RAPGEF6: variants seen among roughly 807,000 people sequenced by gnomAD.
RAPGEF6 encodes the protein Rap guanine nucleotide exchange factor 6.
Under a neutral mutation model 171.4 loss-of-function variants are expected in RAPGEF6, and 56 were observed. The ratio of observed to expected loss-of-function variants is 0.33; its 90% confidence interval spans 0.26 to 0.41. The LOEUF (loss-of-function observed/expected upper bound fraction) is 0.41, where lower values mean the gene tolerates loss of function less well. Among genes scored for constraint, RAPGEF6 ranks in the 10% least tolerant of loss-of-function variants. The pLI is 1.00. For synonymous variants in RAPGEF6, 692 were observed against 650.1 expected (o/e 1.06, Z -0.98); for missense variants, 1,674 against 1,921.4 (o/e 0.87, Z 2.41).
At chr5:131,452,989 A>T in intron 21 of RAPGEF6, 65 bp downstream of exon 21, 1 of 1,526,136 alleles carries the variant, frequency 6.6e-7, no homozygotes, top group Non-Finnish European at 8.8e-7. Context: ...ATAAATGATA[A>T]ATATTTTAAT....
chr5:131,505,329 C>T (rs1292706686), intron 10 of RAPGEF6, 35 bp downstream of exon 10: 8 of 1,606,702 alleles, frequency 5.0e-6, no homozygotes, highest in East Asian at 2.2e-5. Context: ...TTTAAACCAA[C>T]AGACAAGAAG....
chr5:131,602,771 C>T (rs1211253916), intron 3 of RAPGEF6, among the ~76,000 whole-genome samples: 1 of 151,996 alleles, frequency 6.6e-6, no homozygotes, highest in African/African-American at 2.4e-5. Context: ...CAAAAACAAA[C>T]AAACAAACAA....
chr5:131,439,069 C>T (rs1040054789), intron 24 of RAPGEF6, among the ~76,000 whole-genome samples: 8 of 152,078 alleles, frequency 5.3e-5, no homozygotes, highest in African/African-American at 1.9e-4. Context: ...ACTACAGGCA[C>T]ACCACCATGC....
chr5:131,480,405 T>C lies in RAPGEF6; in HGVS notation c.1841-652A>G, dbSNP rs1045433127. Among the ~76,000 whole-genome samples, 14 of 152,226 alleles carry C rather than the reference T, an allele frequency of 9.2e-5. 1 individual carries two copies. The highest frequency in any genetic ancestry group is 1.3e-4 in the Non-Finnish European group (9 of 68,040). On this transcript the variant is annotated intron_variant, in intron 15 of 27. Coordinates refer to ENST00000509018, the MANE Select transcript of RAPGEF6 (RefSeq NM_016340.6). ...CCTCACTACTGTAGTCAGGTTCAGATTGTAAAATTTAGATGAGAAAAGCTT... is the reference window on the plus strand; with the variant it reads ...CCTCACTACTGTAGTCAGGTTCAGACTGTAAAATTTAGATGAGAAAAGCTT...
chr5:131,528,313 T>TATTATATATA (rs1251388931), intron 6 of RAPGEF6, among the ~76,000 whole-genome samples: 741 of 48,730 alleles, frequency 0.015, 38 homozygotes, highest in African/African-American at 0.034. Flanking sequence ...TATATTTATA[T>TATTATATATA]TATATATATA....
intron 15 of RAPGEF6, among the ~76,000 whole-genome samples, chr5:131,487,268 A>G (rs1045470212): frequency 1.3e-5 from 2 of 152,206 alleles, no homozygotes; most frequent in African/African-American, 4.8e-5. Flanking sequence ...CCAAAGAGTG[A>G]GCAGCAGCAA....
chr5:131,469,650 C>CA (rs1450112665), intron 17 of RAPGEF6: 3 of 507,082 alleles, frequency 5.9e-6, no homozygotes, highest in Non-Finnish European at 1.0e-5. Context: ...ACTAAAAAGA[C>CA]ACATGCCAGT....
intron 11 of RAPGEF6, among the ~76,000 whole-genome samples, chr5:131,499,153 T>C (rs750418533): frequency 2.6e-5 from 4 of 152,216 alleles, no homozygotes; most frequent in Non-Finnish European, 4.4e-5. Context: ...AGAATAAATA[T>C]TTCCTTTTCT....
At chr5:131,586,302 C>G (rs1763250633) in intron 4 of RAPGEF6, among the ~76,000 whole-genome samples, 1 of 152,084 alleles carries the variant, frequency 6.6e-6, no homozygotes, top group Non-Finnish European at 1.5e-5. Flanking sequence ...ATCTCAAAAA[C>G]AAAAAGACAA....
At chr5:131,446,805 T>C in intron 21 of RAPGEF6, 102 bp from the exon 22 acceptor site, 1 of 1,045,304 alleles carries the variant, frequency 9.6e-7, no homozygotes, top group Non-Finnish European at 1.4e-6. Flanking sequence ...TATTGCATGC[T>C]GATGTAAATG....
In RAPGEF6 at chr5:131,450,484, A is replaced by G. The variant is rs559105748; in HGVS notation, c.3200+2570T>C. 3.2e-3 allele frequency among the ~76,000 whole-genome samples: 489 copies of G among 152,318 alleles called. 4 individuals are homozygous for G. The highest frequency in any genetic ancestry group is 5.2e-3 in the Non-Finnish European group (354 of 68,030). On this transcript the variant is annotated intron_variant, in intron 21 of 27. Coordinates refer to ENST00000509018, the MANE Select transcript of RAPGEF6 (RefSeq NM_016340.6). The stretch of plus-strand genomic sequence containing the variant: ...ACAGAATGAAATTACAAGGGACATA[A>G]AAACATAAAATTTCATTTTTAAGTG...
rs774170311 is a variant in RAPGEF6, at chr5:131,439,569, G to A, written c.3745+12C>T. Reference sequence around the variant, plus strand: ...AGTTTAACAAGAACTAGTTTGAAATGTTTTGTCTTACCTTTGTGAGGGGAG... The same window carrying A: ...AGTTTAACAAGAACTAGTTTGAAATATTTTGTCTTACCTTTGTGAGGGGAG... On this transcript the variant is annotated intron_variant, in intron 24 of 27. Coordinates refer to ENST00000509018, the MANE Select transcript of RAPGEF6 (RefSeq NM_016340.6). The A allele has an allele frequency of 1.8e-5, 29 of 1,601,320 alleles. No homozygotes were observed. Among genetic ancestry groups the A allele is most frequent in the Non-Finnish European group, 2.4e-5 (28 of 1,174,016 alleles).
chr5:131,605,457 C>G (rs1016956811), intron 1 of RAPGEF6, among the ~76,000 whole-genome samples: 3 of 152,046 alleles, frequency 2.0e-5, no homozygotes, highest in African/African-American at 4.8e-5. Flanking sequence ...CTAACCTGCA[C>G]GTTGTGCATA....
At chr5:131,566,688 A>G (rs1477862171) in intron 4 of RAPGEF6, among the ~76,000 whole-genome samples, 1 of 151,872 alleles carries the variant, frequency 6.6e-6, no homozygotes, top group Non-Finnish European at 1.5e-5. Flanking sequence ...ATTCAGCTGT[A>G]AAGTTATCTG....
At chr5:131,614,102 T>C (rs1765114568) in intron 1 of RAPGEF6, among the ~76,000 whole-genome samples, 1 of 151,708 alleles carries the variant, frequency 6.6e-6, no homozygotes, top group Admixed American at 6.6e-5. Context: ...GTCAACATGG[T>C]GAAACCCCAT....
At chr5:131,473,645 T>C (rs1754901702) in intron 16 of RAPGEF6, among the ~76,000 whole-genome samples, 3 of 152,224 alleles carry the variant, frequency 2.0e-5, no homozygotes. Context: ...TTTTATCAAA[T>C]GCAGCATTCT....
At chr5:131,607,715 C>T (rs1325889937) in intron 1 of RAPGEF6, among the ~76,000 whole-genome samples, 1 of 152,040 alleles carries the variant, frequency 6.6e-6, no homozygotes. Flanking sequence ...AACACACATG[C>T]GGCTCCAGAA....
chr5:131,492,744 A>G lies in RAPGEF6; in HGVS notation c.1569T>C (p.Ala523=), dbSNP rs747479667. The G allele has an allele frequency of 1.2e-6, 2 of 1,614,048 alleles. No individual in the cohort carries two copies. Among genetic ancestry groups the G allele is most frequent in the Non-Finnish European group, 1.7e-6 (2 of 1,179,854 alleles). The part of the protein sequence containing the change: ...GHLRLLNIAC[A]AKAKWRQVVL... ...CAACCTGTCTCCACTTAGCCTTTGC[A>G]GCACAGGCAATATTCAATAACCGGA... is the stretch of plus-strand genomic sequence containing the variant. The change falls in exon 14 of 28, where the codon GCT becomes GCC. Residue 523 remains alanine (A), a synonymous_variant. Transcript: ENST00000509018.
chr5:131,521,775 T>C (rs1304568275), intron 6 of RAPGEF6, among the ~76,000 whole-genome samples: 1 of 150,410 alleles, frequency 6.6e-6, no homozygotes, highest in East Asian at 2.0e-4. Flanking sequence ...GAGGAAAAAC[T>C]TGGCCCTTCT....
Sources: allele counts gnomAD v4.1 joint callset (sites outside exome capture counted in the v4.1 genomes callset), GRCh38; gene constraint gnomAD v4.1.1; transcripts MANE v1.5; gene names NCBI Gene and HGNC (gene_info 2026-07-23, HGNC 2026-07-21).